Variants in DOCK3 observed in about 807,000 individuals in gnomAD.
The protein encoded by DOCK3 is dedicator of cytokinesis protein 3.
In DOCK3, 60 loss-of-function variants were observed where a neutral mutation model predicts 265.6. The observed-to-expected ratio is 0.23, with a 90% CI of 0.18 to 0.28. The LOEUF (loss-of-function observed/expected upper bound fraction) is 0.28. Among genes scored for constraint, DOCK3 ranks in the 10% least tolerant of loss-of-function variants. The probability of loss-of-function intolerance (pLI) is 1.00; values close to 1 mark genes in which losing one functional copy is unlikely to be tolerated. For missense variants in DOCK3, 1,981 were observed against 2,594.3 expected, an observed-to-expected ratio of 0.76 and a Z score of 5.14; for synonymous variants, 881 against 938.0, an observed-to-expected ratio of 0.94 and a Z score of 1.11.
At chr3:51,353,258 C>T (rs2086125171) in intron 40 of DOCK3, among the ~76,000 whole-genome samples, 1 of 152,204 alleles carries the variant, frequency 6.6e-6, no homozygotes, top group African/African-American at 2.4e-5. Flanking sequence ...CTCCTCCTGA[C>T]CTTAACTTTC....
chr3:51,077,687 G>T (rs965964901), intron 7 of DOCK3, among the ~76,000 whole-genome samples: 4 of 152,186 alleles, frequency 2.6e-5, no homozygotes, highest in Admixed American at 2.6e-4. Flanking sequence ...GGGAAACCTT[G>T]TGGAAGAAGC....
chr3:51,016,926 A>T (rs1391600405), intron 5 of DOCK3, among the ~76,000 whole-genome samples: 1 of 101,896 alleles, frequency 9.8e-6, no homozygotes, highest in African/African-American at 4.3e-5. Flanking sequence ...AAATATATTA[A>T]TATATACAAT....
In DOCK3 at chr3:51,381,636, C is replaced by T. The variant is rs2110652071; in HGVS notation, c.*77C>T. 7.0e-7 allele frequency: 1 copy of T among 1,434,052 alleles called. No individual in the cohort carries two copies. Among genetic ancestry groups the T allele is most frequent in the African/African-American group, 1.4e-5 (1 of 69,748 alleles). 88.8% of individuals were successfully genotyped at this position (1,434,052 alleles called of 1,614,324 possible). On this transcript the variant is annotated 3_prime_UTR_variant, in exon 53 of 53. Coordinates refer to ENST00000266037, the MANE Select transcript of DOCK3 (RefSeq NM_004947.5). This position sits in a 1 kb window ranked among gnomAD's most constrained non-coding sequence, Gnocchi z 5.6. ...CTCCAGGTCTGAAAAGCAAGTCCCC[C>T]AGCCCCACCCCAGGGAGCCAGAGAG...
intron 7 of DOCK3, among the ~76,000 whole-genome samples, chr3:51,082,487 C>G (rs2082276427): frequency 1.3e-5 from 2 of 152,184 alleles, no homozygotes; most frequent in African/African-American, 4.8e-5. Flanking sequence ...ACAAAGAAAG[C>G]TAAAACTTGT....
At chr3:50,942,431 A>G (rs988893022) in intron 5 of DOCK3, among the ~76,000 whole-genome samples, 5 of 152,056 alleles carry the variant, frequency 3.3e-5, no homozygotes, top group South Asian at 2.1e-4. Context: ...ATGAATAGCT[A>G]TTATGCTATG....
intron 5 of DOCK3, among the ~76,000 whole-genome samples, chr3:51,015,217 G>C (rs938425885): frequency 2.0e-5 from 3 of 152,014 alleles, no homozygotes; most frequent in African/African-American, 7.2e-5. Context: ...CCAGATCTTA[G>C]AGAAAAGGCT....
intron 1 of DOCK3, among the ~76,000 whole-genome samples, chr3:50,748,888 T>TATAAA (rs1387535620): frequency 6.6e-6 from 1 of 152,168 alleles, no homozygotes; most frequent in Non-Finnish European, 1.5e-5. Flanking sequence ...TCTCAAGGAG[T>TATAAA]GTTATGGTGA....
chr3:51,230,586 G>A (rs946953484), intron 19 of DOCK3, among the ~76,000 whole-genome samples: 30 of 152,064 alleles, frequency 2.0e-4, no homozygotes, highest in African/African-American at 6.7e-4. Flanking sequence ...GCGCAATCTC[G>A]GCTCACTGCA....
At chr3:50,995,849 G>A (rs761331399) in intron 5 of DOCK3, among the ~76,000 whole-genome samples, 8 of 152,162 alleles carry the variant, frequency 5.3e-5, no homozygotes, top group Non-Finnish European at 1.0e-4. Context: ...AACATGGTAC[G>A]TCAGTTTATT....
intron 5 of DOCK3, among the ~76,000 whole-genome samples, chr3:51,055,440 C>T (rs920232298): frequency 3.3e-5 from 5 of 152,180 alleles, no homozygotes; most frequent in African/African-American, 1.2e-4. Flanking sequence ...TTTGACAAGT[C>T]ATCTACTTTC....
At chr3:51,108,294 T>C (rs1287417449) in intron 9 of DOCK3, among the ~76,000 whole-genome samples, 1 of 152,086 alleles carries the variant, frequency 6.6e-6, no homozygotes, top group African/African-American at 2.4e-5. Flanking sequence ...CAAACTAAGC[T>C]TCATAAGCAA....
chr3:50,856,516 C>T (rs973787847), intron 3 of DOCK3, among the ~76,000 whole-genome samples: 1 of 151,662 alleles, frequency 6.6e-6, no homozygotes, highest in African/African-American at 2.4e-5. Flanking sequence ...ATGTCCTTTG[C>T]CCACTTTTTA....
chr3:50,824,071 A>C (rs2044615935), intron 2 of DOCK3, among the ~76,000 whole-genome samples: 1 of 152,174 alleles, frequency 6.6e-6, no homozygotes, highest in Non-Finnish European at 1.5e-5. Flanking sequence ...TCACTGAGTG[A>C]CTAAGTTTAG....
intron 12 of DOCK3, among the ~76,000 whole-genome samples, chr3:51,164,209 T>C (rs1019422617): frequency 6.6e-6 from 1 of 152,142 alleles, no homozygotes; most frequent in Non-Finnish European, 1.5e-5. Flanking sequence ...TGCTCTTTTT[T>C]AAAAAAATGT....
chr3:51,228,623 G>A (rs1252426783), intron 17 of DOCK3, 38 bp from the exon 18 acceptor site: 1 of 1,578,766 alleles, frequency 6.3e-7, no homozygotes, highest in African/African-American at 1.4e-5. Context: ...CATGTTGCAT[G>A]GCTCAGGGGA....
At chr3:50,979,103 C>T (rs36056105) in intron 5 of DOCK3, among the ~76,000 whole-genome samples, 14,460 of 152,186 alleles carry the variant, frequency 0.095, 858 homozygotes, top group Non-Finnish European at 0.12. Context: ...AATCACCCGT[C>T]TTCTGCGCCG....
At chr3:51,008,926 A>G (rs2078808439) in intron 5 of DOCK3, among the ~76,000 whole-genome samples, 1 of 151,614 alleles carries the variant, frequency 6.6e-6, no homozygotes, top group Admixed American at 6.6e-5. Context: ...ACGTTTATTG[A>G]TTTGCATATG....
intron 12 of DOCK3, among the ~76,000 whole-genome samples, chr3:51,199,054 G>A (rs1435724327): frequency 6.6e-6 from 1 of 152,028 alleles, no homozygotes; most frequent in Non-Finnish European, 1.5e-5. Flanking sequence ...AAAGAGGGGA[G>A]GAGCCGAGAT....
chr3:51,089,485 C>T (rs1293576545), intron 8 of DOCK3, among the ~76,000 whole-genome samples: 1 of 152,112 alleles, frequency 6.6e-6, no homozygotes, highest in Non-Finnish European at 1.5e-5. Flanking sequence ...ACAATTAAAG[C>T]AGACTGAAAC....
Sources: allele counts gnomAD v4.1 joint callset (sites outside exome capture counted in the v4.1 genomes callset), GRCh38; gene constraint gnomAD v4.1.1; non-coding constraint Gnocchi (gnomAD v3.1); transcripts MANE v1.5; gene names NCBI Gene and HGNC (gene_info 2026-07-23, HGNC 2026-07-21).